Variants in BNC2 observed in about 807,000 individuals in gnomAD.
BNC2 encodes zinc finger protein basonuclin-2.
In BNC2, 20 loss-of-function variants were observed where a neutral mutation model predicts 76.3. The observed-to-expected ratio is 0.26, with a 90% CI of 0.18 to 0.38. The LOEUF is 0.38. Among genes scored for constraint, BNC2 ranks in the 10% least tolerant of loss-of-function variants. BNC2 has a pLI of 1.00. For synonymous variants in BNC2, 582 were observed against 514.8 expected, an observed-to-expected ratio of 1.13 and a Z score of -1.77; for missense variants, 1,382 against 1,399.8, an observed-to-expected ratio of 0.99 and a Z score of 0.20.
chr9:16,613,799 A>C (rs1820620176), intron 3 of BNC2, among the ~76,000 whole-genome samples: 1 of 152,200 alleles, frequency 6.6e-6, no homozygotes, highest in African/African-American at 2.4e-5. Context: ...AGAAATAGTG[A>C]CAAGCACAGC....
At chr9:16,635,584 G>C (rs774520693) in intron 3 of BNC2, among the ~76,000 whole-genome samples, 21 of 152,182 alleles carry the variant, frequency 1.4e-4, no homozygotes, top group Admixed American at 1.3e-4. Context: ...GATTAGGACA[G>C]AGCTCAAATT....
intron 5 of BNC2, among the ~76,000 whole-genome samples, chr9:16,502,987 C>T (rs1258579188): frequency 2.6e-5 from 4 of 152,022 alleles, no homozygotes; most frequent in Admixed American, 6.6e-5. Flanking sequence ...TCAATGAAAG[C>T]GTACCAAGAC....
chr9:16,601,179 T>C (rs1820233861), intron 3 of BNC2, among the ~76,000 whole-genome samples: 1 of 152,186 alleles, frequency 6.6e-6, no homozygotes, highest in Non-Finnish European at 1.5e-5. Flanking sequence ...AGAACAGGTA[T>C]ATGTCAGAAT....
chr9:16,691,586 T>C lies in BNC2; in HGVS notation c.330+36211A>G, dbSNP rs1823169025. Among the ~76,000 whole-genome samples, 2 of 146,640 alleles carry C rather than the reference T, an allele frequency of 1.4e-5. 1 individual carries two copies. The highest frequency in any genetic ancestry group is 4.4e-4 in the South Asian group (2 of 4,520). The stretch of plus-strand genomic sequence containing the variant: ...ACGCAGTGGTGCGATCTTGGCTCAC[T>C]GAAAGCTGTGCCTCCTGGGTTCAAG... On this transcript the variant is annotated intron_variant, in intron 3 of 6. Coordinates refer to ENST00000380672, the MANE Select transcript of BNC2 (RefSeq NM_017637.6).
At chr9:16,750,671 G>T (rs1301648878) in intron 1 of BNC2, among the ~76,000 whole-genome samples, 1 of 152,206 alleles carries the variant, frequency 6.6e-6, no homozygotes. Context: ...CTCTGAATTA[G>T]ACCGTAACAC....
intron 1 of BNC2, among the ~76,000 whole-genome samples, chr9:16,758,667 T>C (rs1825464398): frequency 6.6e-6 from 1 of 152,170 alleles, no homozygotes; most frequent in South Asian, 2.1e-4. Context: ...TATTCACAAG[T>C]TCTTAAAAGT....
intron 1 of BNC2, among the ~76,000 whole-genome samples, chr9:16,784,440 A>G (rs1826228514): frequency 6.6e-6 from 1 of 152,228 alleles, no homozygotes. Flanking sequence ...ACAAAGTAAT[A>G]AGTGCCTTAA....
At chr9:16,461,606 C>CG (rs749467094) in intron 5 of BNC2, among the ~76,000 whole-genome samples, 69 of 60,640 alleles carry the variant, frequency 1.1e-3, no homozygotes, top group Non-Finnish European at 2.0e-3. Context: ...TGGGGGGTGG[C>CG]GGGGGGAGTT....
At chr9:16,509,512 AAC>A (rs1822705757) in intron 5 of BNC2, among the ~76,000 whole-genome samples, 1 of 152,184 alleles carries the variant, frequency 6.6e-6, no homozygotes, top group African/African-American at 2.4e-5. Flanking sequence ...GGTTTTCTAA[AAC>A]AGTATTAAGA....
chr9:16,815,792 A>T (rs1367012323), intron 1 of BNC2, among the ~76,000 whole-genome samples: 1 of 152,222 alleles, frequency 6.6e-6, no homozygotes, highest in Non-Finnish European at 1.5e-5. Flanking sequence ...GTAAATAGTT[A>T]GTGGTTAGCA....
chr9:16,634,475 TTATCC>T (rs1181980738), intron 3 of BNC2, among the ~76,000 whole-genome samples: 3 of 151,876 alleles, frequency 2.0e-5, no homozygotes, highest in Admixed American at 6.6e-5. Context: ...GTCACCAAAT[TTATCC>T]TATAATTAGA....
intron 3 of BNC2, among the ~76,000 whole-genome samples, chr9:16,694,364 A>T (rs75057108): frequency 0.027 from 4,182 of 152,148 alleles, 68 homozygotes; most frequent in South Asian, 0.079. Context: ...TTATGATTTT[A>T]AAAAAAAGTT....
At position 16,421,973 on chromosome 9, in the gene BNC2, C is replaced by T. The variant is rs113337329; in HGVS notation, c.2640-2324G>A. On this transcript the variant is annotated intron_variant, in intron 6 of 6. Coordinates refer to ENST00000380672, the MANE Select transcript of BNC2 (RefSeq NM_017637.6). The stretch of plus-strand genomic sequence containing the variant: ...TCTCACACATCTGCAGTTACCACTT[C>T]CTAGGTTCACTGCTGAGAAAACAGC... Among the ~76,000 whole-genome samples, 74 of 152,274 alleles carry T rather than the reference C, an allele frequency of 4.9e-4. 1 individual carries two copies. Among genetic ancestry groups the T allele is most frequent in the East Asian group, 3.1e-3 (16 of 5,188 alleles).
At chr9:16,791,313 G>A (rs1165246940) in intron 1 of BNC2, among the ~76,000 whole-genome samples, 3 of 151,930 alleles carry the variant, frequency 2.0e-5, no homozygotes, top group Admixed American at 6.6e-5. Flanking sequence ...CGCCTGCCTC[G>A]GCCTCCCAAA....
chr9:16,498,292 C>T (rs1411809815), intron 5 of BNC2, among the ~76,000 whole-genome samples: 2 of 99,496 alleles, frequency 2.0e-5, no homozygotes, highest in Admixed American at 9.5e-5. Flanking sequence ...TATATATATT[C>T]CATCATATAT....
chr9:16,717,574 A>G (rs1045721343), intron 3 of BNC2, among the ~76,000 whole-genome samples: 4 of 152,208 alleles, frequency 2.6e-5, no homozygotes, highest in Non-Finnish European at 5.9e-5. Context: ...CTGACTGCAA[A>G]TATGTAAAGC....
intron 3 of BNC2, among the ~76,000 whole-genome samples, chr9:16,685,362 T>C (rs2134345113): frequency 6.6e-6 from 1 of 152,334 alleles, no homozygotes; most frequent in East Asian, 1.9e-4. Context: ...AGACAAATGA[T>C]CTACAGTTAC....
chr9:16,461,332 T>C (rs1821575416), intron 5 of BNC2, among the ~76,000 whole-genome samples: 1 of 152,178 alleles, frequency 6.6e-6, no homozygotes, highest in Non-Finnish European at 1.5e-5. Flanking sequence ...AATTAAAGTA[T>C]GGCAGGAATC....
intron 1 of BNC2, among the ~76,000 whole-genome samples, chr9:16,810,784 G>C (rs1047630793): frequency 1.3e-5 from 2 of 152,202 alleles, no homozygotes; most frequent in African/African-American, 4.8e-5. Flanking sequence ...CTACCTCAGA[G>C]TTCCATGGGA....
Sources: gnomAD v4.1 joint callset for allele counts (sites outside exome capture counted in the v4.1 genomes callset) on GRCh38, gnomAD v4.1.1 for gene constraint, MANE v1.5 for transcripts, NCBI Gene and HGNC (gene_info 2026-07-23, HGNC 2026-07-21) for gene names.